L3HYPDH: variants seen among roughly 807,000 people sequenced by gnomAD.
L3HYPDH encodes the protein trans-3-hydroxy-L-proline dehydratase.
L3HYPDH carries 32 observed loss-of-function variants against 26.5 expected under a neutral mutation model. That is an observed-to-expected ratio of 1.21 (90% CI 0.91 to 1.62). The LOEUF is 1.62. Ranked by LOEUF, L3HYPDH falls within the 40% of genes most tolerant of loss-of-function variation. The pLI is 0.00. For synonymous variants in L3HYPDH, 215 were observed against 196.6 expected (o/e 1.09, Z -0.78); for missense variants, 554 against 476.4 (o/e 1.16, Z -1.52).
the L3HYPDH span, among the ~76,000 whole-genome samples, chr14:59,499,630 T>C: frequency 6.6e-6 from 1 of 152,124 alleles, no homozygotes; most frequent in South Asian, 2.1e-4. Context: ...TGTGGTTCTT[T>C]TGAATATGTG....
At chr14:59,471,362 C>T (rs962832423), downstream of L3HYPDH, among the ~76,000 whole-genome samples, 1 of 152,154 alleles carries the variant, frequency 6.6e-6, no homozygotes, top group Non-Finnish European at 1.5e-5. Flanking sequence ...GGAGTCGGAA[C>T]TCCTAGATTT....
chr14:59,465,519 G>A (rs916176561), intron 1 of L3HYPDH, among the ~76,000 whole-genome samples: 30 of 152,388 alleles, frequency 2.0e-4, no homozygotes, highest in Admixed American at 1.7e-3. Flanking sequence ...TCGGGTTTCC[G>A]AGAGTGCCAG....
rs8660 is a variant in L3HYPDH at position 59,473,009 on chromosome 14, T to C, written c.1021A>G (p.Ile341Val). 0.46 allele frequency: 737,492 copies of C among 1,606,014 alleles called. 176,596 individuals are homozygous for C. The highest frequency in any genetic ancestry group is 0.77 in the African/African-American group (57,008 of 74,384). The change falls in exon 5 of 5, where the codon ATA becomes GTA. Residue 341 changes from isoleucine (I) to valine (V), a missense_variant. Physicochemically the swap from Ile to Val is conservative, Grantham distance 29. Coordinates refer to ENST00000247194, the MANE Select transcript of L3HYPDH (RefSeq NM_144581.2). ...TCCCTCAATGGGTCGTCATCTTCTA[T>C]TATAAAGCTTGCTGTACCCGTGTAA... ...AHYTGTASFI[I>V]EDDDPLRDGF...
the L3HYPDH span, chr14:59,498,865 C>T: frequency 1.2e-6 from 2 of 1,611,668 alleles, no homozygotes; most frequent in East Asian, 2.2e-5. Context: ...TTTACTTCTT[C>T]CCAATTTTAA....
At chr14:59,469,404 A>C (rs973972803), downstream of L3HYPDH, among the ~76,000 whole-genome samples, 1 of 151,852 alleles carries the variant, frequency 6.6e-6, no homozygotes, top group East Asian at 1.9e-4. Context: ...AATACAAAAA[A>C]ATTAGCTGAA....
chr14:59,504,305 G>A, the L3HYPDH span: 28 of 486,872 alleles, frequency 5.8e-5, no homozygotes, highest in Middle Eastern at 5.3e-4. Flanking sequence ...CTGGAAGGCC[G>A]CTAGGAAGCC....
intron 4 of L3HYPDH, among the ~76,000 whole-genome samples, chr14:59,475,497 G>C (rs1001096936): frequency 3.3e-5 from 5 of 152,138 alleles, no homozygotes; most frequent in African/African-American, 4.8e-5. Flanking sequence ...TTTCATGTCT[G>C]GCTTAACAGA....
chr14:59,484,083 CG>C lies in L3HYPDH; in HGVS notation c.233del (p.Ala78GlyfsTer3), dbSNP rs750231482. The C allele has an allele frequency of 5.6e-6, 9 of 1,606,878 alleles. 1 individual carries two copies. In the South Asian group the frequency reaches 8.8e-5, roughly 16 times the overall value. Reference sequence around the variant, plus strand: ...CCGGCAGCTCGCTCGGGACTAGGACCGCCCCGTACATGTCCCGGTGCCCTCG... The same window carrying C: ...CCGGCAGCTCGCTCGGGACTAGGACCCCCCGTACATGTCCCGGTGCCCTCG... ...EPRGHRDMYG[A>X]VLVPSELPDA... is the part of the protein sequence containing the mutation. On this transcript the variant is annotated frameshift_variant, in exon 1 of 5. Transcript: ENST00000247194. LOFTEE classifies it high-confidence loss of function.
chr14:59,484,716 A>G, upstream of L3HYPDH: 1 of 1,246,902 alleles, frequency 8.0e-7, no homozygotes, highest in Non-Finnish European at 1.1e-6. Context: ...TCGCCCCTTG[A>G]CCCCGCCCGC....
chr14:59,502,763 T>TTTTTTGTTTTTG, the L3HYPDH span, among the ~76,000 whole-genome samples: 2 of 134,124 alleles, frequency 1.5e-5, no homozygotes, highest in African/African-American at 2.8e-5. Context: ...TTTTTTTTTT[T>TTTTTTGTTTTTG]TTTTTTTTTT....
chr14:59,466,344 G>T (rs1324546197), intron 1 of L3HYPDH, among the ~76,000 whole-genome samples: 1 of 152,232 alleles, frequency 6.6e-6, no homozygotes, highest in Non-Finnish European at 1.5e-5. Flanking sequence ...TGCATCTCAA[G>T]TTTCTGGGCA....
upstream of L3HYPDH, chr14:59,484,466 A>C (rs1451784677): frequency 4.3e-6 from 6 of 1,393,946 alleles, no homozygotes; most frequent in Admixed American, 1.2e-4. Context: ...CGAGGGAGGA[A>C]CTTCGGAGCT....
the L3HYPDH span, among the ~76,000 whole-genome samples, chr14:59,493,889 A>C: frequency 6.6e-6 from 1 of 152,238 alleles, no homozygotes; most frequent in Non-Finnish European, 1.5e-5. Context: ...CCCAAAACAC[A>C]GACAATTATA....
downstream of L3HYPDH, among the ~76,000 whole-genome samples, chr14:59,467,863 C>T (rs1306724273): frequency 6.6e-6 from 1 of 152,202 alleles, no homozygotes; most frequent in African/African-American, 2.4e-5. Flanking sequence ...ATGAATCCCT[C>T]CTCCTTACCA....
chr14:59,473,080 C>T lies in L3HYPDH; in HGVS notation c.950G>A (p.Cys317Tyr). 1 of 1,591,788 alleles carries T rather than the reference C, an allele frequency of 6.3e-7. No homozygotes were observed. The highest frequency in any genetic ancestry group is 8.5e-7 in the Non-Finnish European group (1 of 1,172,976). The part of the protein sequence containing the change: ...FTGKAVREAK[C>Y]GDFKAVIVEV... Reference sequence around the variant, plus strand: ...CACTATAACAGCTTTAAAATCACCACATTTCGCTTCCTGAAAAAAGATGAA... The same window carrying T: ...CACTATAACAGCTTTAAAATCACCATATTTCGCTTCCTGAAAAAAGATGAA... The change falls in exon 5 of 5, where the codon TGT becomes TAT. Residue 317 changes from cysteine to tyrosine, a missense_variant. Transcript: ENST00000247194.
At chr14:59,482,918 C>T (rs982953683) in intron 1 of L3HYPDH, among the ~76,000 whole-genome samples, 3 of 152,154 alleles carry the variant, frequency 2.0e-5, no homozygotes, top group Non-Finnish European at 2.9e-5. Flanking sequence ...AATTCAGCTC[C>T]TGGGAGGTAG....
chr14:59,493,463 G>A, the L3HYPDH span, among the ~76,000 whole-genome samples: 1 of 152,176 alleles, frequency 6.6e-6, no homozygotes, highest in African/African-American at 2.4e-5. Flanking sequence ...TCACAAAATA[G>A]TGAGAAATGA....
At chr14:59,494,816 T>G in the L3HYPDH span, among the ~76,000 whole-genome samples, 1 of 152,250 alleles carries the variant, frequency 6.6e-6, no homozygotes, top group Non-Finnish European at 1.5e-5. Context: ...AGGGTAGATA[T>G]AATTTCTGCT....
upstream of L3HYPDH, among the ~76,000 whole-genome samples, chr14:59,486,299 TG>T (rs749341131): frequency 1.3e-4 from 20 of 152,384 alleles, 2 homozygotes; most frequent in Admixed American, 8.5e-4. Flanking sequence ...ATGATAATTG[TG>T]TGTCTACATG....
Sources: allele counts gnomAD v4.1 joint callset (sites outside exome capture counted in the v4.1 genomes callset), GRCh38; gene constraint gnomAD v4.1.1; transcripts MANE v1.5; gene names NCBI Gene and HGNC (gene_info 2026-07-23, HGNC 2026-07-21).